Variants in SLCO3A1 observed in about 807,000 individuals in gnomAD.
SLCO3A1 encodes solute carrier organic anion transporter family member 3A1.
In SLCO3A1, 27 loss-of-function variants were observed where a neutral mutation model predicts 63.1. The observed-to-expected ratio is 0.43, with a 90% CI of 0.32 to 0.59. SLCO3A1 has a LOEUF of 0.59. SLCO3A1 is among the 20% of genes least tolerant of loss of function. SLCO3A1 has a pLI of 0.09. For missense variants in SLCO3A1, 773 were observed against 945.8 expected, an observed-to-expected ratio of 0.82 and a Z score of 2.40; for synonymous variants, 473 against 409.9, an observed-to-expected ratio of 1.15 and a Z score of -1.86.
At chr15:92,148,193 CAG>C (rs1363442973) in intron 8 of SLCO3A1, among the ~76,000 whole-genome samples, 1 of 152,194 alleles carries the variant, frequency 6.6e-6, no homozygotes, top group Non-Finnish European at 1.5e-5. Context: ...GGGTGACTGA[CAG>C]AGCAAGACTC....
intron 9 of SLCO3A1, among the ~76,000 whole-genome samples, chr15:92,152,463 A>G (rs1227534293): frequency 6.6e-6 from 1 of 152,268 alleles, no homozygotes; most frequent in Non-Finnish European, 1.5e-5. Flanking sequence ...GGAAAAGAGA[A>G]GTGCTCTAGG....
intron 6 of SLCO3A1, among the ~76,000 whole-genome samples, chr15:92,127,102 T>G (rs1202606713): frequency 1.3e-5 from 2 of 152,256 alleles, no homozygotes; most frequent in Non-Finnish European, 2.9e-5. Flanking sequence ...GGCAGCTTTC[T>G]GTATGTCTGT....
chr15:91,985,320 G>A (rs535609170), intron 2 of SLCO3A1, among the ~76,000 whole-genome samples: 2 of 152,294 alleles, frequency 1.3e-5, no homozygotes, highest in South Asian at 2.1e-4. Flanking sequence ...TTCTGTTTAA[G>A]TGCAGCACTC....
At chr15:92,045,440 A>G (rs2046849653) in intron 2 of SLCO3A1, among the ~76,000 whole-genome samples, 1 of 152,202 alleles carries the variant, frequency 6.6e-6, no homozygotes, top group African/African-American at 2.4e-5. Context: ...ATAAATGTGC[A>G]TGCATATAAA....
At chr15:91,884,466 C>T (rs1277944687) in intron 1 of SLCO3A1, among the ~76,000 whole-genome samples, 1 of 146,532 alleles carries the variant, frequency 6.8e-6, no homozygotes, top group Admixed American at 6.9e-5. Context: ...GAGCCGAGAT[C>T]GCGTCACTGC....
At chr15:92,024,694 A>C (rs2046549690) in intron 2 of SLCO3A1, among the ~76,000 whole-genome samples, 1 of 152,206 alleles carries the variant, frequency 6.6e-6, no homozygotes. Flanking sequence ...ACATCTACAC[A>C]AAGCAAAACA....
intron 2 of SLCO3A1, among the ~76,000 whole-genome samples, chr15:92,036,580 T>C (rs2046730392): frequency 6.6e-6 from 1 of 151,752 alleles, no homozygotes; most frequent in South Asian, 2.1e-4. Context: ...AGCCACAGTA[T>C]TTTTTTTATC....
chr15:92,151,728 T>C (rs1414734257), intron 9 of SLCO3A1, among the ~76,000 whole-genome samples: 1 of 152,220 alleles, frequency 6.6e-6, no homozygotes, highest in Non-Finnish European at 1.5e-5. Flanking sequence ...AAGATCAAGA[T>C]AACTTTTTTC....
At position 91,886,511 on chromosome 15, in the gene SLCO3A1, T is replaced by C. The variant is rs945800869; in HGVS notation, c.181-29482T>C. 6.6e-6 allele frequency among the ~76,000 whole-genome samples: 1 copy of C among 152,200 alleles called. No homozygotes were observed. The highest frequency in any genetic ancestry group is 1.9e-4 in the East Asian group (1 of 5,186). ...CCAGTGAGCATTGACTTGGACCTGG[T>C]GATTTTCCTCTTTACGCTTTGCCCT... On this transcript the variant is annotated intron_variant, in intron 1 of 9. Coordinates refer to ENST00000318445, the MANE Select transcript of SLCO3A1 (RefSeq NM_013272.4). This position sits in a 1 kb window ranked among gnomAD's most constrained non-coding sequence, Gnocchi z 4.9.
chr15:91,875,383 T>C lies in SLCO3A1; in HGVS notation c.180+21295T>C, dbSNP rs923149833. ...CAGCTCCATGGCATGATGTTGGCAC[T>C]GCCTTTCCAGTTTACTCTCTCCACA... On this transcript the variant is annotated intron_variant, in intron 1 of 9. Coordinates refer to ENST00000318445, the MANE Select transcript of SLCO3A1 (RefSeq NM_013272.4). The surrounding 1 kb of genome is among the most constrained non-coding windows in gnomAD (Gnocchi z 4.5). 2.6e-5 allele frequency among the ~76,000 whole-genome samples: 4 copies of C among 152,220 alleles called. No individual in the cohort carries two copies. Among genetic ancestry groups the C allele is most frequent in the African/African-American group, 9.6e-5 (4 of 41,462 alleles).
chr15:91,926,557 C>CTGTGTGTGTGTGTG (rs1567189095), intron 2 of SLCO3A1, among the ~76,000 whole-genome samples: 45 of 54,368 alleles, frequency 8.3e-4, no homozygotes, highest in African/African-American at 4.5e-3. Context: ...TCCTGCCAAG[C>CTGTGTGTGTGTGTG]CGTGTGTGTG....
intron 2 of SLCO3A1, among the ~76,000 whole-genome samples, chr15:91,944,487 C>T (rs1363159212): frequency 1.3e-5 from 2 of 152,114 alleles, no homozygotes; most frequent in East Asian, 3.9e-4. Context: ...GCGTGGGGCT[C>T]AGAGTGGCTT....
At chr15:92,159,678 C>T (rs879912920) in intron 9 of SLCO3A1, among the ~76,000 whole-genome samples, 1 of 151,738 alleles carries the variant, frequency 6.6e-6, no homozygotes, top group Non-Finnish European at 1.5e-5. Flanking sequence ...GTGATCCTCC[C>T]ATCGGCCTCC....
At chr15:92,153,754 AAG>A (rs1235254376) in intron 9 of SLCO3A1, 1 of 152,278 alleles carries the variant, frequency 6.6e-6, no homozygotes, top group Non-Finnish European at 1.5e-5. Context: ...GGGAAGGAGT[AAG>A]AGTCATACAG....
At chr15:91,869,635 G>A (rs1897244472) in intron 1 of SLCO3A1, among the ~76,000 whole-genome samples, 2 of 152,070 alleles carry the variant, frequency 1.3e-5, no homozygotes, top group South Asian at 4.1e-4. Flanking sequence ...GGAGATTGAG[G>A]CTGCAGTGAG....
chr15:91,889,258 T>A, intron 1 of SLCO3A1: 1 of 864,100 alleles, frequency 1.2e-6, no homozygotes, highest in Non-Finnish European at 1.7e-6. Context: ...CTGCTGGACC[T>A]GGAGTGCATT....
chr15:91,923,874 T>C (rs1481681003), intron 2 of SLCO3A1, among the ~76,000 whole-genome samples: 1 of 152,230 alleles, frequency 6.6e-6, no homozygotes, highest in African/African-American at 2.4e-5. Flanking sequence ...TTTTAGATAA[T>C]TGCATATTAT....
At chr15:91,861,606 G>A (rs1897049503) in intron 1 of SLCO3A1, among the ~76,000 whole-genome samples, 1 of 152,090 alleles carries the variant, frequency 6.6e-6, no homozygotes, top group African/African-American at 2.4e-5. Flanking sequence ...AAAGCAAAAA[G>A]TAACATAGGC....
intron 1 of SLCO3A1, among the ~76,000 whole-genome samples, chr15:91,868,598 G>A (rs901728159): frequency 6.6e-6 from 1 of 152,096 alleles, no homozygotes; most frequent in Non-Finnish European, 1.5e-5. Flanking sequence ...TGTGGGCTTT[G>A]GGGTCTTTGA....
Sources: gnomAD v4.1 joint callset for allele counts (sites outside exome capture counted in the v4.1 genomes callset) on GRCh38, gnomAD v4.1.1 for gene constraint, Gnocchi (gnomAD v3.1) non-coding constraint, MANE v1.5 for transcripts, NCBI Gene and HGNC (gene_info 2026-07-23, HGNC 2026-07-21) for gene names.